XAGE2: variants seen among roughly 807,000 people sequenced by gnomAD.
XAGE2 encodes the protein X antigen family member 2, also known as G antigen family D member 3.
A neutral mutation model predicts 9.9 loss-of-function variants in XAGE2; 7 were observed. The ratio of observed to expected loss-of-function variants is 0.71; its 90% confidence interval spans 0.40 to 1.32. The LOEUF (loss-of-function observed/expected upper bound fraction) is 1.32, where lower values mean the gene tolerates loss of function less well. XAGE2 is among the 40% of genes most tolerant of loss of function. XAGE2 has a pLI of 0.01. For synonymous variants in XAGE2, 31 were observed against 26.8 expected (o/e 1.16, Z -0.48); for missense variants, 85 against 81.0 (o/e 1.05, Z -0.19).
At position 52,370,615 on chromosome X, in the gene XAGE2, C is replaced by A. The variant is rs960942058; in HGVS notation, c.130C>A (p.Arg44=). The change falls in exon 3 of 5, where the codon CGG becomes AGG. Residue 44 remains arginine (R), a synonymous_variant. Transcript: ENST00000286049. ...PKEEKPPTKS[R]NPTPDQKRED... is the part of the protein sequence containing the mutation. ...AGAAGAGAAACCACCCACTAAAAGT[C>A]GGAATCCTACACCTGATCAGAAGAG... The A allele has an allele frequency of 6.2e-5, 75 of 1,209,647 alleles. 1 individual carries two copies. In the South Asian group the frequency reaches 1.1e-3, roughly 18 times the overall value.
Position 52,374,232 on chromosome X carries a change from T to C in XAGE2, c.314-1337T>C, listed in dbSNP as rs949145926. Among the ~76,000 whole-genome samples, 6 of 111,433 alleles carry C rather than the reference T, an allele frequency of 5.4e-5. No homozygotes were observed. The East Asian group carries it at 1.7e-3, about 31-fold the overall frequency. On this transcript the variant is annotated intron_variant, in intron 4 of 4. Coordinates refer to ENST00000286049, the MANE Select transcript of XAGE2 (RefSeq NM_130777.3). ...TATAACTGAAAGTAAATACATTCTT[T>C]TGTTTTCTTTTGTTTTACTTTTGAG...
rs1395533911 is a variant in XAGE2 at position 52,375,363 on chromosome X, TA to T, written c.314-200del. The stretch of plus-strand genomic sequence containing the variant: ...GTAGCACTAGAAAGCAGGGTGTGTT[TA>T]AAAAATATTAATAATGTATATGTTT... On this transcript the variant is annotated intron_variant, in intron 4 of 4. Coordinates refer to ENST00000286049, the MANE Select transcript of XAGE2 (RefSeq NM_130777.3). 6.3e-5 allele frequency among the ~76,000 whole-genome samples: 7 copies of T among 111,781 alleles called. No homozygotes were observed. The Admixed American group carries it at 6.7e-4, about 11-fold the overall frequency.
chrX:52,372,434 C>A, intron 3 of XAGE2, 110 bp from the exon 4 acceptor site: 1 of 992,024 alleles, frequency 1.0e-6, no homozygotes, highest in Non-Finnish European at 1.4e-6. Context: ...TTTATTATCA[C>A]ACTAGCCTAC....
At chrX:52,372,008 G>C (rs1921204636) in intron 3 of XAGE2, among the ~76,000 whole-genome samples, 1 of 111,624 alleles carries the variant, frequency 9.0e-6, no homozygotes, top group African/African-American at 3.3e-5. Flanking sequence ...CACTGGCAAA[G>C]TATAGGAAAT....
intron 3 of XAGE2, among the ~76,000 whole-genome samples, 188 bp downstream of exon 3, chrX:52,370,860 T>C (rs1921172428): frequency 8.9e-6 from 1 of 112,213 alleles, no homozygotes. Flanking sequence ...ATATAATAAA[T>C]CTTCTCTTTT....
At chrX:52,375,020 A>G (rs1298632148) in intron 4 of XAGE2, among the ~76,000 whole-genome samples, 1 of 111,830 alleles carries the variant, frequency 8.9e-6, no homozygotes, top group East Asian at 2.8e-4. Context: ...CTTTGGCACA[A>G]TAGAGGAAAA....
At chrX:52,372,458 A>G (rs1921214256) in intron 3 of XAGE2, 86 bp from the exon 4 acceptor site, 3 of 1,137,256 alleles carry the variant, frequency 2.6e-6, no homozygotes, top group South Asian at 3.7e-5. Context: ...CTTTTATGTC[A>G]TAACTCTGTG....
chrX:52,375,571 G>A lies in XAGE2; in HGVS notation c.316G>A (p.Glu106Lys). The A allele has an allele frequency of 8.3e-7, 1 of 1,206,494 alleles. No individual in the cohort carries two copies. Among genetic ancestry groups the A allele is most frequent in the Non-Finnish European group, 1.1e-6 (1 of 891,972 alleles). ...AEHFKMPEAGEGKSQV is the reference protein window; with the variant it reads ...AEHFKMPEAGKGKSQV ...CACCTGTTATGTTTCTATTACAGGT[G>A]AAGGGAAATCACAGGTTTAAAGGAA... is the stretch of plus-strand genomic sequence containing the variant. The change falls in exon 5 of 5, where the codon GAA becomes AAA. Residue 106 changes from glutamate to lysine, a missense_variant and splice_region_variant. Coordinates refer to ENST00000286049, the MANE Select transcript of XAGE2 (RefSeq NM_130777.3).
chrX:52,370,233 A>C, intron 2 of XAGE2, 138 bp downstream of exon 2: 1 of 685,179 alleles, frequency 1.5e-6, no homozygotes, highest in Admixed American at 2.8e-5. Context: ...GGAAAGACTA[A>C]TCCAAGAGTA....
chrX:52,370,451 G>C, intron 2 of XAGE2, 116 bp from the exon 3 acceptor site: 5 of 660,365 alleles, frequency 7.6e-6, no homozygotes, highest in Non-Finnish European at 1.3e-5. Context: ...TTGGAGAAGT[G>C]TCTTTAGACT....
At chrX:52,371,511 T>C (rs1370900710) in intron 3 of XAGE2, among the ~76,000 whole-genome samples, 1 of 112,203 alleles carries the variant, frequency 8.9e-6, no homozygotes, top group Non-Finnish European at 1.9e-5. Context: ...ACTTTTATAA[T>C]TAGAAAACTC....
chrX:52,371,348 A>G (rs1921187072), intron 3 of XAGE2, among the ~76,000 whole-genome samples: 2 of 112,280 alleles, frequency 1.8e-5, no homozygotes, highest in Admixed American at 1.9e-4. Context: ...AGGATAGCAA[A>G]TCCGGAAAAG....
Position 52,370,096 on chromosome X carries a change from G to A in XAGE2, c.81+1G>A. On this transcript the variant is annotated splice_donor_variant, in intron 2 of 4. Coordinates refer to ENST00000286049, the MANE Select transcript of XAGE2 (RefSeq NM_130777.3). LOFTEE classifies it high-confidence loss of function. ...TCCTGAGCTGATTGGGGCTATGCTT[G>A]TGAGTGCTTTAATATTTTGATGTTT... is the stretch of plus-strand genomic sequence containing the variant. 1 of 1,210,515 alleles carries A rather than the reference G, an allele frequency of 8.3e-7. No individual in the cohort carries two copies. Among genetic ancestry groups the A allele is most frequent in the Non-Finnish European group, 1.1e-6 (1 of 894,164 alleles).
At chrX:52,372,797 G>T (rs1921225353) in intron 4 of XAGE2, 128 bp downstream of exon 4, 6 of 923,198 alleles carry the variant, frequency 6.5e-6, no homozygotes, top group African/African-American at 1.9e-5. Context: ...TCTTTGAAAG[G>T]TACTTCAGAT....
At position 52,372,662 on chromosome X, in the gene XAGE2, A is replaced by G; in HGVS notation, c.306A>G (p.Pro102=). Residue 102 remains proline (P), a synonymous_variant, in exon 4 of 5, where the codon CCA becomes CCG. Coordinates refer to ENST00000286049, the MANE Select transcript of XAGE2 (RefSeq NM_130777.3). ...ILPKAEHFKM[P]EAGEGKSQV ...CAAAAGCAGAGCACTTTAAAATGCC[A>G]GAAGCAGGTGTGTTATTCATTAAGA... is the stretch of plus-strand genomic sequence containing the variant. 1 of 1,211,461 alleles carries G rather than the reference A, an allele frequency of 8.3e-7. No individual in the cohort carries two copies. The highest frequency in any genetic ancestry group is 1.8e-5 in the South Asian group (1 of 56,976).
intron 1 of XAGE2, among the ~76,000 whole-genome samples, chrX:52,369,606 C>T (rs920792922): frequency 6.3e-5 from 7 of 111,583 alleles, no homozygotes; most frequent in Non-Finnish European, 9.4e-5. Flanking sequence ...TTCGAATGGG[C>T]GGGACTGTGC....
At chrX:52,375,475 T>C (rs1253219108) in intron 4 of XAGE2, 94 bp from the exon 5 acceptor site, 5 of 963,993 alleles carry the variant, frequency 5.2e-6, no homozygotes, top group South Asian at 2.1e-5. Flanking sequence ...TAGTCCACTG[T>C]ACGAAACAAA....
chrX:52,374,552 A>G (rs1921268052), intron 4 of XAGE2, among the ~76,000 whole-genome samples: 2 of 111,975 alleles, frequency 1.8e-5, no homozygotes, highest in African/African-American at 6.5e-5. Context: ...TACGTTCTTA[A>G]ACTCTAATAT....
At chrX:52,375,003 T>G (rs1282356947) in intron 4 of XAGE2, among the ~76,000 whole-genome samples, 1 of 111,675 alleles carries the variant, frequency 9.0e-6, no homozygotes, top group Non-Finnish European at 1.9e-5. Flanking sequence ...AAAGCAACAT[T>G]TTTGCACTTT....
Sources: allele counts gnomAD v4.1 joint callset (sites outside exome capture counted in the v4.1 genomes callset), GRCh38; gene constraint gnomAD v4.1.1; transcripts MANE v1.5; gene names NCBI Gene and HGNC (gene_info 2026-07-23, HGNC 2026-07-21).